The following PCNX2 variants were observed in gnomAD, a reference collection of about 807,000 sequenced individuals.
The protein encoded by PCNX2 is pecanex 2.
PCNX2 carries 168 observed loss-of-function variants against 223.8 expected under a neutral mutation model. The ratio of observed to expected loss-of-function variants is 0.75; its 90% CI spans 0.66 to 0.85. PCNX2 has a LOEUF of 0.85. Ranked by LOEUF, PCNX2 falls within the 40% of genes least tolerant of loss-of-function variation. The pLI is 0.00. For synonymous variants in PCNX2, 1,006 were observed against 1,052.6 expected, an observed-to-expected ratio of 0.96 and a Z score of 0.86; for missense variants, 2,507 against 2,675.5, an observed-to-expected ratio of 0.94 and a Z score of 1.39.
chr1:233,091,645 A>C (rs937302141), intron 22 of PCNX2, among the ~76,000 whole-genome samples: 3 of 150,436 alleles, frequency 2.0e-5, no homozygotes, highest in Admixed American at 1.3e-4. Flanking sequence ...AGGTGAGAGG[A>C]TCTCTTGAGC....
intron 8 of PCNX2, among the ~76,000 whole-genome samples, chr1:233,237,627 A>C (rs1383195575): frequency 3.3e-5 from 5 of 152,210 alleles, no homozygotes; most frequent in African/African-American, 1.2e-4. Flanking sequence ...CTCAGAAAGC[A>C]AAAACTAGGA....
intron 21 of PCNX2, among the ~76,000 whole-genome samples, chr1:233,120,164 C>CAAAAAAAAAAAAAAAAAAAAAAA (rs1228898502): frequency 9.4e-5 from 4 of 42,666 alleles, no homozygotes; most frequent in East Asian, 1.4e-3. Flanking sequence ...GACTCCATTT[C>CAAAAAAAAAAAAAAAAAAAAAAA]AAAAAAAAAA....
chr1:233,145,026 T>G (rs1433057481), intron 19 of PCNX2, among the ~76,000 whole-genome samples: 1 of 150,630 alleles, frequency 6.6e-6, no homozygotes, highest in Non-Finnish European at 1.5e-5. Flanking sequence ...GTGCAGTGGC[T>G]CAATCTCGGC....
intron 1 of PCNX2, among the ~76,000 whole-genome samples, chr1:233,279,097 A>G (rs970295645): frequency 6.6e-6 from 1 of 152,216 alleles, no homozygotes; most frequent in African/African-American, 2.4e-5. Context: ...TCAGAGACTA[A>G]AATCTGAGTT....
intron 8 of PCNX2, among the ~76,000 whole-genome samples, chr1:233,238,496 G>C (rs976487237): frequency 6.6e-6 from 1 of 152,034 alleles, no homozygotes; most frequent in Non-Finnish European, 1.5e-5. Flanking sequence ...TTCAAGACCA[G>C]CCCTGGCAAC....
chr1:233,232,899 G>C, intron 9 of PCNX2: 1 of 984,128 alleles, frequency 1.0e-6, no homozygotes, highest in Non-Finnish European at 1.2e-6. Flanking sequence ...CACTATCATA[G>C]ACTTGCATAG....
intron 20 of PCNX2, among the ~76,000 whole-genome samples, chr1:233,137,071 A>G (rs1676848214): frequency 6.6e-6 from 1 of 152,238 alleles, no homozygotes; most frequent in Non-Finnish European, 1.5e-5. Flanking sequence ...AGATCATTGT[A>G]TACAGCAGGT....
intron 17 of PCNX2, among the ~76,000 whole-genome samples, chr1:233,173,774 G>C (rs752764916): frequency 3.9e-5 from 6 of 151,942 alleles, no homozygotes; most frequent in Admixed American, 1.3e-4. Flanking sequence ...GACACTACTT[G>C]TTAGAAATCA....
intron 1 of PCNX2, among the ~76,000 whole-genome samples, chr1:233,279,565 G>A (rs1558420684): frequency 6.6e-6 from 1 of 152,064 alleles, no homozygotes; most frequent in Non-Finnish European, 1.5e-5. Context: ...GATTACAGGT[G>A]TGAGCCACCA....
chr1:233,227,177 C>A, intron 10 of PCNX2, 49 bp downstream of exon 10: 2 of 1,545,548 alleles, frequency 1.3e-6, no homozygotes, highest in Non-Finnish European at 1.8e-6. Flanking sequence ...GGCACTGTCA[C>A]GTCCCCGGTG....
At chr1:233,041,467 A>C (rs1464938353) in intron 25 of PCNX2, among the ~76,000 whole-genome samples, 2 of 152,202 alleles carry the variant, frequency 1.3e-5, no homozygotes, top group African/African-American at 2.4e-5. Flanking sequence ...CAGTGTCCCC[A>C]AGGAGAAAAC....
intron 15 of PCNX2, among the ~76,000 whole-genome samples, chr1:233,184,343 C>T (rs1213425979): frequency 6.6e-6 from 1 of 150,386 alleles, no homozygotes; most frequent in Non-Finnish European, 1.5e-5. Context: ...GTTCAGCTTC[C>T]TATTCTGTAA....
In PCNX2 at chr1:232,998,323, T is replaced by G. The variant is rs772062579; in HGVS notation, c.5719A>C (p.Ser1907Arg). The change falls in exon 32 of 34, where the codon AGC (serine) becomes CGC (arginine). Residue 1907 changes from serine (S) to arginine (R), a missense_variant. By Grantham distance (110) the Ser-to-Arg change is moderately radical (BLOSUM62 -1). Coordinates refer to ENST00000258229, the MANE Select transcript of PCNX2 (RefSeq NM_014801.4). Reference protein sequence around the residue: ...NNAPSGGSQESSAEQPRKGGA... With the variant: ...NNAPSGGSQERSAEQPRKGGA... ...CCTTTTCTGGGCTGTTCTGCGCTGCTCTCCTGGCTGCCACCACTCGGGGCA... is the reference window on the plus strand; with the variant it reads ...CCTTTTCTGGGCTGTTCTGCGCTGCGCTCCTGGCTGCCACCACTCGGGGCA... The G allele has an allele frequency of 2.5e-6, 4 of 1,613,110 alleles. No homozygotes were observed. The highest frequency in any genetic ancestry group is 3.4e-6 in the Non-Finnish European group (4 of 1,179,568).
rs762436995 is a variant in PCNX2 at position 232,986,308 on chromosome 1, A to G, written c.6024T>C (p.Ser2008=). 36 of 1,581,044 alleles carry G rather than the reference A, an allele frequency of 2.3e-5. No homozygotes were observed. The highest frequency in any genetic ancestry group is 3.0e-5 in the Non-Finnish European group (35 of 1,164,506). ...TGAGCGCCTCGGCCCGCTCACGGACACTCAGGTGGCCGGTGGTGGTGACGG... is the reference window on the plus strand; with the variant it reads ...TGAGCGCCTCGGCCCGCTCACGGACGCTCAGGTGGCCGGTGGTGGTGACGG... The part of the protein sequence containing the change: ...PPPVTTTGHL[S]VRERAEALIR... Residue 2008 remains serine (S), a synonymous_variant, in exon 33 of 34, where the codon AGT becomes AGC. Coordinates refer to ENST00000258229, the MANE Select transcript of PCNX2 (RefSeq NM_014801.4).
intron 21 of PCNX2, among the ~76,000 whole-genome samples, chr1:233,104,009 T>C (rs1232487084): frequency 6.6e-6 from 1 of 152,062 alleles, no homozygotes; most frequent in African/African-American, 2.4e-5. Flanking sequence ...GGACCACATA[T>C]TGCAAATCAT....
At chr1:233,270,923 T>C (rs1483075467) in intron 1 of PCNX2, among the ~76,000 whole-genome samples, 1 of 152,230 alleles carries the variant, frequency 6.6e-6, no homozygotes, top group Admixed American at 6.5e-5. Flanking sequence ...ATTGTAGACT[T>C]ACTCACTTTG....
intron 15 of PCNX2, among the ~76,000 whole-genome samples, chr1:233,191,148 C>T (rs1379391841): frequency 6.6e-6 from 1 of 152,180 alleles, no homozygotes; most frequent in Admixed American, 6.5e-5. Flanking sequence ...CATGAATGCA[C>T]ATTACTTTTG....
intron 12 of PCNX2, among the ~76,000 whole-genome samples, chr1:233,209,137 C>A (rs895760029): frequency 2.0e-5 from 3 of 152,124 alleles, no homozygotes; most frequent in African/African-American, 7.2e-5. Context: ...GCTTTAATTT[C>A]CCAGTCTCTT....
intron 23 of PCNX2, among the ~76,000 whole-genome samples, chr1:233,069,641 T>C (rs1672763535): frequency 6.7e-6 from 1 of 149,348 alleles, no homozygotes; most frequent in Non-Finnish European, 1.5e-5. Context: ...TCAATAGAAA[T>C]GGAAACACAC....
Sources: gnomAD v4.1 joint callset for allele counts (sites outside exome capture counted in the v4.1 genomes callset) on GRCh38, gnomAD v4.1.1 for gene constraint, MANE v1.5 for transcripts, NCBI Gene and HGNC (gene_info 2026-07-23, HGNC 2026-07-21) for gene names.